Variants in ABCC4 observed in about 807,000 individuals in gnomAD.
ABCC4 encodes ATP-binding cassette sub-family C member 4.
Under a neutral mutation model 168.5 loss-of-function variants are expected in ABCC4, and 102 were observed. The ratio of observed to expected loss-of-function variants is 0.61; its 90% CI spans 0.52 to 0.71. The LOEUF (loss-of-function observed/expected upper bound fraction) is 0.71, where lower values mean the gene tolerates loss of function less well. Among genes scored for constraint, ABCC4 ranks in the 30% least tolerant of loss-of-function variants. The pLI, the probability that ABCC4 is intolerant of heterozygous loss-of-function variation, is 0.00. For missense variants in ABCC4, 1,402 were observed against 1,605.8 expected (o/e 0.87, Z 2.17); for synonymous variants, 617 against 590.7 (o/e 1.04, Z -0.65).
At chr13:95,035,656 A>G (rs1279444349) in intron 29 of ABCC4, among the ~76,000 whole-genome samples, 2 of 152,154 alleles carry the variant, frequency 1.3e-5, no homozygotes, top group African/African-American at 4.8e-5. Context: ...TCCACTGGAA[A>G]TTGAAAGAGG....
At chr13:95,248,758 A>G (rs1428417800) in intron 1 of ABCC4, among the ~76,000 whole-genome samples, 2 of 152,140 alleles carry the variant, frequency 1.3e-5, no homozygotes. Context: ...AAAAACTTAT[A>G]AAGAAAAAGG....
At chr13:95,116,515 A>G (rs575790350) in intron 19 of ABCC4, among the ~76,000 whole-genome samples, 5 of 152,238 alleles carry the variant, frequency 3.3e-5, no homozygotes, top group Non-Finnish European at 5.9e-5. Flanking sequence ...TTGGGATCCT[A>G]TCATTTTCCA....
At chr13:95,253,112 C>T (rs1248742249) in intron 1 of ABCC4, among the ~76,000 whole-genome samples, 1 of 152,134 alleles carries the variant, frequency 6.6e-6, no homozygotes, top group East Asian at 1.9e-4. Flanking sequence ...GAGAATGCCT[C>T]TCCCCTCCCC....
At chr13:95,211,583 C>T (rs995042543) in intron 4 of ABCC4, among the ~76,000 whole-genome samples, 12 of 151,986 alleles carry the variant, frequency 7.9e-5, no homozygotes, top group Admixed American at 2.6e-4. Flanking sequence ...CTCATGGAAG[C>T]GGGGCTGAAA....
chr13:95,075,345 T>C (rs1472132141), intron 22 of ABCC4, 87 bp downstream of exon 22: 4 of 1,569,866 alleles, frequency 2.5e-6, no homozygotes, highest in Non-Finnish European at 3.5e-6. Context: ...CTGAGGTGCC[T>C]GCCAACAAGC....
intron 20 of ABCC4, among the ~76,000 whole-genome samples, chr13:95,087,020 G>A (rs1329391016): frequency 3.4e-5 from 5 of 146,826 alleles, no homozygotes; most frequent in Admixed American, 2.0e-4. Context: ...TACTGACTTC[G>A]CAGAAGACAA....
chr13:95,151,283 C>G (rs2036665135), intron 19 of ABCC4, among the ~76,000 whole-genome samples: 1 of 151,964 alleles, frequency 6.6e-6, no homozygotes, highest in African/African-American at 2.4e-5. Flanking sequence ...CAATACCAGT[C>G]TGGCCAACAT....
intron 20 of ABCC4, among the ~76,000 whole-genome samples, chr13:95,098,788 A>G (rs957131889): frequency 1.3e-5 from 2 of 152,196 alleles, no homozygotes; most frequent in Non-Finnish European, 2.9e-5. Flanking sequence ...GCCTGTATGG[A>G]AAAAGCTCAA....
chr13:95,199,555 C>T (rs546493531), intron 8 of ABCC4, among the ~76,000 whole-genome samples: 7 of 152,224 alleles, frequency 4.6e-5, no homozygotes, highest in South Asian at 4.1e-4. Context: ...GCCATAAGGA[C>T]GAAAGTAGCC....
intron 20 of ABCC4, among the ~76,000 whole-genome samples, chr13:95,101,905 A>G (rs1255639198): frequency 1.3e-5 from 2 of 152,236 alleles, no homozygotes; most frequent in Non-Finnish European, 2.9e-5. Context: ...CGTAGTATTT[A>G]AAAAGTACCT....
intron 4 of ABCC4, among the ~76,000 whole-genome samples, chr13:95,232,980 G>T (rs2039665296): frequency 6.6e-6 from 1 of 152,150 alleles, no homozygotes; most frequent in Non-Finnish European, 1.5e-5. Context: ...CATGGGTTTG[G>T]CATCCCTGGA....
chr13:95,294,630 G>A (rs544336472), intron 1 of ABCC4, among the ~76,000 whole-genome samples: 64 of 152,272 alleles, frequency 4.2e-4, no homozygotes, highest in African/African-American at 1.5e-3. Flanking sequence ...CAGTTTCATG[G>A]TCACCTCTGA....
chr13:95,279,723 G>C (rs1050051661), intron 1 of ABCC4, among the ~76,000 whole-genome samples: 5 of 152,154 alleles, frequency 3.3e-5, no homozygotes, highest in Non-Finnish European at 7.3e-5. Context: ...ACCGGTAAAA[G>C]GGGCTGATTT....
chr13:95,203,684 A>G (rs1276524542), intron 8 of ABCC4, among the ~76,000 whole-genome samples: 1 of 151,970 alleles, frequency 6.6e-6, no homozygotes, highest in Non-Finnish European at 1.5e-5. Context: ...AATGTCAGAC[A>G]TGGCCCCTCT....
chr13:95,110,969 G>GAAAA (rs758996653), intron 20 of ABCC4, among the ~76,000 whole-genome samples: 1 of 38,334 alleles, frequency 2.6e-5, no homozygotes. Flanking sequence ...CCCTGTTTCA[G>GAAAA]AAAAAAAAAA....
rs143762915 is a variant in ABCC4, at chr13:95,059,202, C to T, written c.3366+3502G>A. ...CTCAGGATCTGGCATTGAGATTCGCCGTAAATTCCATTTGAATCCTGACTC... is the reference window on the plus strand; with the variant it reads ...CTCAGGATCTGGCATTGAGATTCGCTGTAAATTCCATTTGAATCCTGACTC... On this transcript the variant is annotated intron_variant, in intron 26 of 30. Coordinates refer to ENST00000645237, the MANE Select transcript of ABCC4 (RefSeq NM_005845.5). Among the ~76,000 whole-genome samples the T allele has an allele frequency of 4.2e-3, 646 of 152,246 alleles. 3 individuals are homozygous for T. Among genetic ancestry groups the T allele is most frequent in the Middle Eastern group, 0.01 (3 of 294 alleles).
At chr13:95,176,407 A>ATC (rs1024648689) in intron 13 of ABCC4, among the ~76,000 whole-genome samples, 4 of 152,134 alleles carry the variant, frequency 2.6e-5, no homozygotes, top group Admixed American at 2.6e-4. Flanking sequence ...AGGCAGGAGA[A>ATC]TCTCTTGAAC....
chr13:95,118,163 T>C (rs1279031225), intron 19 of ABCC4, among the ~76,000 whole-genome samples: 1 of 152,210 alleles, frequency 6.6e-6, no homozygotes, highest in African/African-American at 2.4e-5. Flanking sequence ...GATCTCAGTG[T>C]AGAAAGTGTA....
At chr13:95,292,780 G>C (rs985361591) in intron 1 of ABCC4, among the ~76,000 whole-genome samples, 1 of 152,118 alleles carries the variant, frequency 6.6e-6, no homozygotes, top group Admixed American at 6.6e-5. Flanking sequence ...AGGAGCTAGC[G>C]CAGAGAAAAG....
Sources: gnomAD v4.1 joint callset for allele counts (sites outside exome capture counted in the v4.1 genomes callset) on GRCh38, gnomAD v4.1.1 for gene constraint, MANE v1.5 for transcripts, NCBI Gene and HGNC (gene_info 2026-07-23, HGNC 2026-07-21) for gene names.